SGCD: variants seen among roughly 807,000 people sequenced by gnomAD.
SGCD encodes the protein sarcoglycan delta, also known as delta-sarcoglycan.
Under a neutral mutation model 36.6 loss-of-function variants are expected in SGCD, and 18 were observed. The ratio of observed to expected loss-of-function variants is 0.49; its 90% CI spans 0.34 to 0.73. The LOEUF is 0.73. Ranked by LOEUF, SGCD falls within the 30% of genes least tolerant of loss-of-function variation. The pLI, the probability that SGCD is intolerant of heterozygous loss-of-function variation, is 0.01. For synonymous variants in SGCD, 133 were observed against 130.6 expected (o/e 1.02, Z -0.12); for missense variants, 387 against 346.7 (o/e 1.12, Z -0.92).
chr5:156,239,484 T>A (rs577496247), intron 3 of SGCD, among the ~76,000 whole-genome samples: 27 of 152,080 alleles, frequency 1.8e-4, no homozygotes, highest in African/African-American at 5.1e-4. Flanking sequence ...AAATACTTTT[T>A]AAAAAAATCT....
intron 1 of SGCD, among the ~76,000 whole-genome samples, chr5:155,923,333 A>C (rs1756928483): frequency 6.7e-6 from 1 of 149,936 alleles, no homozygotes; most frequent in Non-Finnish European, 1.5e-5. Flanking sequence ...AAAGGTTTAG[A>C]GACAAATCTC....
the SGCD span, among the ~76,000 whole-genome samples, chr5:155,863,349 A>T: frequency 6.6e-6 from 1 of 152,078 alleles, no homozygotes; most frequent in Non-Finnish European, 1.5e-5. Context: ...GCATGTGTTG[A>T]CTTTTAAATG....
intron 1 of SGCD, among the ~76,000 whole-genome samples, chr5:156,015,377 C>T (rs893634002): frequency 1.3e-5 from 2 of 152,106 alleles, no homozygotes; most frequent in Admixed American, 1.3e-4. Context: ...CCTTTTTATA[C>T]ATCTTCATTA....
chr5:156,478,762 G>C (rs1755300430), intron 3 of SGCD, among the ~76,000 whole-genome samples: 1 of 152,022 alleles, frequency 6.6e-6, no homozygotes, highest in African/African-American at 2.4e-5. Flanking sequence ...TGTATTTTTA[G>C]TAGAGACGGG....
chr5:156,018,310 C>A (rs904243564), intron 1 of SGCD, among the ~76,000 whole-genome samples: 1 of 151,980 alleles, frequency 6.6e-6, no homozygotes, highest in African/African-American at 2.4e-5. Context: ...TACAAATATC[C>A]GCTAGTGTCT....
chr5:156,185,482 G>A (rs1423785237), intron 3 of SGCD, among the ~76,000 whole-genome samples: 5 of 151,874 alleles, frequency 3.3e-5, no homozygotes, highest in Admixed American at 6.6e-5. Flanking sequence ...CCAAAGTGCT[G>A]GGATTACAGA....
intron 1 of SGCD, among the ~76,000 whole-genome samples, chr5:155,933,042 G>A (rs771540425): frequency 1.3e-5 from 2 of 152,204 alleles, no homozygotes; most frequent in Non-Finnish European, 2.9e-5. Context: ...GGGTTAGTAT[G>A]TTGCTTTGTC....
chr5:155,850,102 G>C, the SGCD span, among the ~76,000 whole-genome samples: 40 of 136,354 alleles, frequency 2.9e-4, no homozygotes, highest in Middle Eastern at 7.2e-3. Context: ...AATTGATTAA[G>C]TACCTTGTTT....
intron 3 of SGCD, among the ~76,000 whole-genome samples, chr5:156,299,336 A>G (rs2127683403): frequency 6.6e-6 from 1 of 152,200 alleles, no homozygotes; most frequent in East Asian, 1.9e-4. Flanking sequence ...CAATTTGGTT[A>G]CCATAGCTCT....
At chr5:156,747,113 TAAC>T (rs1038742382) in intron 7 of SGCD, among the ~76,000 whole-genome samples, 7 of 152,042 alleles carry the variant, frequency 4.6e-5, no homozygotes, top group African/African-American at 1.7e-4. Flanking sequence ...AAAAGGTGCC[TAAC>T]AACATTAGTC....
chr5:156,329,552 T>G lies in SGCD; in HGVS notation c.-25T>G. The G allele has an allele frequency of 1.2e-6, 2 of 1,612,622 alleles. No homozygotes were observed. The highest frequency in any genetic ancestry group is 1.7e-6 in the Non-Finnish European group (2 of 1,179,030). ...CTTGCAGAGACATTACTGCCGGGAG[T>G]GTTGAGTGAAGGGACCAGGTGGAGA... On this transcript the variant is annotated 5_prime_UTR_variant, in exon 2 of 9. Coordinates refer to ENST00000337851, the MANE Select transcript of SGCD (RefSeq NM_000337.6).
chr5:155,840,667 C>G, the SGCD span, among the ~76,000 whole-genome samples: 1 of 151,256 alleles, frequency 6.6e-6, no homozygotes, highest in African/African-American at 2.4e-5. Context: ...GTTCTAGAAT[C>G]TAGAATTTTC....
intron 1 of SGCD, among the ~76,000 whole-genome samples, chr5:155,937,998 C>A (rs1757244113): frequency 6.6e-6 from 1 of 152,176 alleles, no homozygotes; most frequent in South Asian, 2.1e-4. Context: ...AAGCTGACCT[C>A]CAGGTCCTGT....
intron 1 of SGCD, among the ~76,000 whole-genome samples, chr5:155,985,600 T>C (rs971566644): frequency 6.6e-6 from 1 of 152,138 alleles, no homozygotes; most frequent in Non-Finnish European, 1.5e-5. Flanking sequence ...GCCCATCAAT[T>C]TGAATATGAC....
At chr5:156,171,954 G>A (rs1763356044) in intron 3 of SGCD, among the ~76,000 whole-genome samples, 1 of 152,150 alleles carries the variant, frequency 6.6e-6, no homozygotes, top group African/African-American at 2.4e-5. Flanking sequence ...CTGTACTGGT[G>A]AGGAAACTAA....
chr5:156,671,961 A>C (rs933799678), intron 7 of SGCD, among the ~76,000 whole-genome samples: 3 of 152,170 alleles, frequency 2.0e-5, no homozygotes, highest in Non-Finnish European at 2.9e-5. Context: ...TAATAGAGTG[A>C]GAACTCCACT....
At chr5:156,029,361 C>A (rs1229330845) in intron 1 of SGCD, among the ~76,000 whole-genome samples, 1 of 152,132 alleles carries the variant, frequency 6.6e-6, no homozygotes, top group Non-Finnish European at 1.5e-5. Context: ...GACACACATA[C>A]AAACACACAA....
intron 3 of SGCD, among the ~76,000 whole-genome samples, chr5:156,282,371 T>A (rs191528759): frequency 4.2e-3 from 640 of 152,302 alleles, no homozygotes; most frequent in Non-Finnish European, 6.4e-3. Context: ...AAGGGTTGTT[T>A]ATATTTAGGA....
rs142723340 is a variant in SGCD at position 155,939,114 on chromosome 5, T to A, written c.-282+68690T>A. ...TAAAGAATTCCAGTTAGGAGGAAAA[T>A]GTTCAAGAGATTTATGCATCTATAA... On this transcript the variant is annotated intron_variant, in intron 1 of 9. Coordinates refer to the SGCD transcript ENST00000517913. Among the ~76,000 whole-genome samples, 568 of 152,202 alleles carry A rather than the reference T, an allele frequency of 3.7e-3. 4 individuals are homozygous for A. Among genetic ancestry groups the A allele is most frequent in the African/African-American group, 0.013 (549 of 41,516 alleles).
Sources: allele counts gnomAD v4.1 joint callset (sites outside exome capture counted in the v4.1 genomes callset), GRCh38; gene constraint gnomAD v4.1.1; transcripts MANE v1.5; gene names NCBI Gene and HGNC (gene_info 2026-07-23, HGNC 2026-07-21).